The following CTNNA3 variants were observed in gnomAD, a reference collection of about 807,000 sequenced individuals.
The protein encoded by CTNNA3 is catenin alpha-3.
A neutral mutation model predicts 95.7 loss-of-function variants in CTNNA3; 76 were observed. The ratio of observed to expected loss-of-function variants is 0.79; its 90% CI spans 0.66 to 0.96. CTNNA3 has a LOEUF of 0.96. Ranked by LOEUF, CTNNA3 falls within the 40% of genes least tolerant of loss-of-function variation. CTNNA3 has a pLI of 0.00. For synonymous variants in CTNNA3, 431 were observed against 374.4 expected, an observed-to-expected ratio of 1.15 and a Z score of -1.74; for missense variants, 1,191 against 1,089.8, an observed-to-expected ratio of 1.09 and a Z score of -1.31.
At chr10:66,260,273 G>C (rs1447933002) in intron 13 of CTNNA3, among the ~76,000 whole-genome samples, 1 of 152,108 alleles carries the variant, frequency 6.6e-6, no homozygotes, top group Non-Finnish European at 1.5e-5. Context: ...ATTCCATGGA[G>C]AAATATCTTA....
intron 9 of CTNNA3, among the ~76,000 whole-genome samples, chr10:66,666,106 G>C (rs1482204313): frequency 6.6e-6 from 1 of 152,080 alleles, no homozygotes; most frequent in East Asian, 1.9e-4. Flanking sequence ...TAACCAGTTG[G>C]GGCCAAACAG....
intron 10 of CTNNA3, among the ~76,000 whole-genome samples, chr10:66,527,631 A>C (rs1007799124): frequency 2.0e-5 from 3 of 152,166 alleles, no homozygotes; most frequent in Admixed American, 1.3e-4. Flanking sequence ...AGGAAAAGAC[A>C]TTCAGGTAAA....
intron 12 of CTNNA3, among the ~76,000 whole-genome samples, chr10:66,360,599 CTTTCTTTCTT>C (rs2092647189): frequency 2.1e-5 from 1 of 47,512 alleles, no homozygotes; most frequent in Non-Finnish European, 4.4e-5. Flanking sequence ...TTCTTTCCTT[CTTTCTTTCTT>C]TCTTTCTTTC....
intron 11 of CTNNA3, among the ~76,000 whole-genome samples, chr10:66,430,007 T>G (rs1397014611): frequency 1.4e-5 from 2 of 141,374 alleles, no homozygotes; most frequent in African/African-American, 2.8e-5. Context: ...GAAAACCCCA[T>G]CATCTCAGTC....
rs181485201 is a variant in CTNNA3, at chr10:66,010,209, C to T, written c.2160-21412G>A. On this transcript the variant is annotated intron_variant, in intron 15 of 17. Transcript: ENST00000433211. ...CATGTTACTATCATCTACGATGTAG[C>T]CTCCTTTCCCTTGGCTAAATCAGTT... Among the ~76,000 whole-genome samples, 62 of 152,252 alleles carry T rather than the reference C, an allele frequency of 4.1e-4. No homozygotes were observed. In the East Asian group the frequency reaches 0.012, roughly 29 times the overall value.
At chr10:67,207,430 A>C (rs2132229744) in intron 6 of CTNNA3, among the ~76,000 whole-genome samples, 1 of 152,286 alleles carries the variant, frequency 6.6e-6, no homozygotes, top group African/African-American at 2.4e-5. Flanking sequence ...GAACTTTATA[A>C]AATAAAGAAC....
At chr10:67,740,355 A>G (rs1841328620) in intron 1 of CTNNA3, among the ~76,000 whole-genome samples, 1 of 151,802 alleles carries the variant, frequency 6.6e-6, no homozygotes, top group African/African-American at 2.4e-5. Flanking sequence ...ACAAACTACC[A>G]TCAGAGTGAA....
At chr10:67,423,409 T>C (rs1025436196) in intron 5 of CTNNA3, among the ~76,000 whole-genome samples, 1 of 152,024 alleles carries the variant, frequency 6.6e-6, no homozygotes, top group Non-Finnish European at 1.5e-5. Context: ...TATCAGCTAA[T>C]AAAAAGAACC....
chr10:66,631,169 T>C, intron 9 of CTNNA3, among the ~76,000 whole-genome samples: 1 of 152,260 alleles, frequency 6.6e-6, no homozygotes. Flanking sequence ...CACAATCCGG[T>C]CTCTGATATT....
chr10:66,644,728 A>G (rs540534469), intron 9 of CTNNA3, among the ~76,000 whole-genome samples: 112 of 151,406 alleles, frequency 7.4e-4, no homozygotes, highest in African/African-American at 2.5e-3. Context: ...ATTTTTCTCC[A>G]GTTTTACTTG....
In CTNNA3 at chr10:66,882,184, G is replaced by C. The variant is rs1048479647; in HGVS notation, c.1048-106660C>G. Reference sequence around the variant, plus strand: ...TTAAATCAGGTTCTTAGGGGTCTTTGGTGGGGGATAACGAAAGGGTGGAGA... The same window carrying C: ...TTAAATCAGGTTCTTAGGGGTCTTTCGTGGGGGATAACGAAAGGGTGGAGA... On this transcript the variant is annotated intron_variant, in intron 7 of 17. Coordinates refer to ENST00000433211, the MANE Select transcript of CTNNA3 (RefSeq NM_013266.4). Among the ~76,000 whole-genome samples, 3 of 152,140 alleles carry C rather than the reference G, an allele frequency of 2.0e-5. No individual in the cohort carries two copies. In the East Asian group the frequency reaches 5.8e-4, roughly 29 times the overall value.
At chr10:66,318,652 A>G (rs1003859515) in intron 12 of CTNNA3, among the ~76,000 whole-genome samples, 1 of 152,068 alleles carries the variant, frequency 6.6e-6, no homozygotes, top group African/African-American at 2.4e-5. Context: ...CAACTAGATT[A>G]ACCACCTCTT....
intron 10 of CTNNA3, among the ~76,000 whole-genome samples, chr10:66,576,536 T>A (rs1423124789): frequency 6.6e-6 from 1 of 151,994 alleles, no homozygotes; most frequent in Non-Finnish European, 1.5e-5. Flanking sequence ...TTGTGTCCAT[T>A]TATATTCAAT....
At chr10:66,966,490 T>C (rs1389541828) in intron 7 of CTNNA3, among the ~76,000 whole-genome samples, 1 of 150,880 alleles carries the variant, frequency 6.6e-6, no homozygotes, top group African/African-American at 2.4e-5. Flanking sequence ...AATATATTTT[T>C]TTTTTCAGGA....
At chr10:66,502,470 T>G (rs886322027) in intron 11 of CTNNA3, among the ~76,000 whole-genome samples, 19 of 152,280 alleles carry the variant, frequency 1.2e-4, no homozygotes, top group African/African-American at 4.1e-4. Flanking sequence ...GATTTTGCTC[T>G]AATTTTTAAA....
rs1589127445 is a variant in CTNNA3 at position 65,918,423 on chromosome 10, C to T, written c.*1907G>A. 1 of 152,272 alleles carries T rather than the reference C, an allele frequency of 6.6e-6. No individual in the cohort carries two copies. The highest frequency in any genetic ancestry group is 1.9e-4 in the East Asian group (1 of 5,170). The allele number at this position is 152,272 out of a possible 1,614,324, so 9.4% of individuals were successfully genotyped here. On this transcript the variant is annotated 3_prime_UTR_variant, in exon 18 of 18. Transcript: ENST00000433211. Reference sequence around the variant, plus strand: ...CTAAATTATAAATTTATACTTCTATCTGGAAGAAGGATATACCACAGATGT... The same window carrying T: ...CTAAATTATAAATTTATACTTCTATTTGGAAGAAGGATATACCACAGATGT...
chr10:67,720,129 C>CTTTTTTTTTTTTTTTTTT (rs58074397), intron 1 of CTNNA3, among the ~76,000 whole-genome samples: 115 of 6,604 alleles, frequency 0.017, 43 homozygotes, highest in South Asian at 0.031. Flanking sequence ...GCAACCCCTG[C>CTTTTTTTTTTTTTTTTTT]TTTTTTTTTT....
intron 9 of CTNNA3, among the ~76,000 whole-genome samples, chr10:66,710,445 C>A (rs963926463): frequency 8.5e-5 from 13 of 152,060 alleles, no homozygotes; most frequent in African/African-American, 2.9e-4. Context: ...CAACTTTTAT[C>A]TATCATTAAT....
chr10:67,410,903 C>T (rs769554824), intron 5 of CTNNA3, among the ~76,000 whole-genome samples: 1 of 152,086 alleles, frequency 6.6e-6, no homozygotes, highest in Non-Finnish European at 1.5e-5. Context: ...TTTGCCACAA[C>T]ATTGATGAGT....
Sources: gnomAD v4.1 joint callset for allele counts (sites outside exome capture counted in the v4.1 genomes callset) on GRCh38, gnomAD v4.1.1 for gene constraint, MANE v1.5 for transcripts, NCBI Gene and HGNC (gene_info 2026-07-23, HGNC 2026-07-21) for gene names.